Variants in CAMK1D observed in about 807,000 individuals in gnomAD.
CAMK1D encodes calcium/calmodulin-dependent protein kinase type 1D.
In CAMK1D, 9 loss-of-function variants were observed where a neutral mutation model predicts 47.7. That is an observed-to-expected ratio of 0.19 (90% confidence interval 0.11 to 0.33). CAMK1D has a LOEUF of 0.33. Ranked by LOEUF, CAMK1D falls within the 10% of genes least tolerant of loss-of-function variation. The pLI is 1.00. For synonymous variants in CAMK1D, 184 were observed against 184.9 expected, an observed-to-expected ratio of 0.99 and a Z score of 0.04; for missense variants, 291 against 488.7, an observed-to-expected ratio of 0.60 and a Z score of 3.81.
intron 1 of CAMK1D, among the ~76,000 whole-genome samples, chr10:12,533,391 G>C (rs1343675541): frequency 3.3e-5 from 5 of 152,066 alleles, no homozygotes; most frequent in African/African-American, 1.2e-4. Context: ...CCATCTCCTG[G>C]TTATCATTCC....
chr10:12,718,643 G>A lies in CAMK1D; in HGVS notation c.300-42305G>A, dbSNP rs951643529. Among the ~76,000 whole-genome samples the A allele has an allele frequency of 5.3e-5, 8 of 152,316 alleles. No individual in the cohort carries two copies. In the South Asian group the frequency reaches 1.2e-3, roughly 24 times the overall value. ...TGAAGTTACAGGTTTAGAGTTGTCC[G>A]TTGGAGGTTTTTGTTTCTTCGTTTA... On this transcript the variant is annotated intron_variant, in intron 3 of 10. Coordinates refer to ENST00000619168, the MANE Select transcript of CAMK1D (RefSeq NM_153498.4).
intron 1 of CAMK1D, among the ~76,000 whole-genome samples, chr10:12,460,261 CT>C (rs34911316): frequency 0.018 from 2,518 of 141,992 alleles, 38 homozygotes; most frequent in East Asian, 0.061. Flanking sequence ...TTTCTCTATT[CT>C]TTTTTTTTTT....
At chr10:12,784,555 G>T (rs745993175) in intron 5 of CAMK1D, among the ~76,000 whole-genome samples, 30 of 151,998 alleles carry the variant, frequency 2.0e-4, no homozygotes, top group Non-Finnish European at 3.5e-4. Context: ...CACACTGAGA[G>T]TTAGGGTGAA....
chr10:12,511,657 C>G (rs922704884), intron 1 of CAMK1D, among the ~76,000 whole-genome samples: 3 of 152,182 alleles, frequency 2.0e-5, no homozygotes, highest in African/African-American at 7.2e-5. Context: ...GGGTCCTCCT[C>G]CAATCCAGTT....
At chr10:12,687,005 T>G (rs182583028) in intron 3 of CAMK1D, among the ~76,000 whole-genome samples, 4 of 151,808 alleles carry the variant, frequency 2.6e-5, no homozygotes, top group African/African-American at 9.7e-5. Context: ...GTTATCAATA[T>G]GACAAAAAAA....
chr10:12,705,268 C>T (rs1173195566), intron 3 of CAMK1D, among the ~76,000 whole-genome samples: 1 of 152,102 alleles, frequency 6.6e-6, no homozygotes, highest in Admixed American at 6.5e-5. Flanking sequence ...TGAGACCATC[C>T]TGGCCAACAT....
intron 2 of CAMK1D, among the ~76,000 whole-genome samples, chr10:12,603,059 C>T (rs964385994): frequency 4.6e-5 from 7 of 151,988 alleles, no homozygotes; most frequent in South Asian, 4.2e-4. Flanking sequence ...TACAGGCACG[C>T]GTCACTGCAC....
chr10:12,705,849 C>T (rs146841206), intron 3 of CAMK1D, among the ~76,000 whole-genome samples: 52 of 152,358 alleles, frequency 3.4e-4, no homozygotes, highest in African/African-American at 1.2e-3. Context: ...TTTTATTAAA[C>T]AGCTACCTTA....
intron 2 of CAMK1D, among the ~76,000 whole-genome samples, chr10:12,604,783 T>G (rs772522265): frequency 6.6e-6 from 1 of 152,140 alleles, no homozygotes; most frequent in Non-Finnish European, 1.5e-5. Context: ...ACTACTTGGG[T>G]AGTATGAAGC....
At chr10:12,782,362 A>G (rs1837538384) in intron 5 of CAMK1D, among the ~76,000 whole-genome samples, 1 of 152,212 alleles carries the variant, frequency 6.6e-6, no homozygotes, top group South Asian at 2.1e-4. Flanking sequence ...CACATTCAGT[A>G]TCACCTCCTT....
intron 1 of CAMK1D, among the ~76,000 whole-genome samples, chr10:12,386,134 A>C (rs753704861): frequency 1.4e-4 from 21 of 152,204 alleles, no homozygotes; most frequent in Non-Finnish European, 2.9e-5. Flanking sequence ...AATATTTCCT[A>C]TGGCAACTGA....
chr10:12,784,871 A>G (rs1235822439), intron 5 of CAMK1D, among the ~76,000 whole-genome samples: 1 of 152,196 alleles, frequency 6.6e-6, no homozygotes, highest in East Asian at 1.9e-4. Context: ...CCAAGTGCTG[A>G]CCAATCAGGA....
intron 2 of CAMK1D, among the ~76,000 whole-genome samples, chr10:12,595,076 T>TCATG (rs1156668458): frequency 6.6e-6 from 1 of 151,990 alleles, no homozygotes; most frequent in East Asian, 1.9e-4. Flanking sequence ...GTGTGGTGCC[T>TCATG]CATGCCTGTA....
chr10:12,386,707 T>G (rs1838506463), intron 1 of CAMK1D, among the ~76,000 whole-genome samples: 3 of 152,198 alleles, frequency 2.0e-5, no homozygotes, highest in Non-Finnish European at 4.4e-5. Flanking sequence ...TGTGTGTACA[T>G]TCACGATATT....
chr10:12,735,258 C>G (rs1017670545), intron 3 of CAMK1D, among the ~76,000 whole-genome samples: 7 of 152,132 alleles, frequency 4.6e-5, no homozygotes, highest in African/African-American at 7.2e-5. Context: ...GGGCGGATCA[C>G]GAGGTCAGGA....
rs1395898670 is a variant in CAMK1D, at chr10:12,554,342, A to T, written c.224+986A>T. ...AGCTAATTTTTGTATTTTTGTAGAG[A>T]TGAGGTTTCTCCATGTTGGCCAGGC... is the stretch of plus-strand genomic sequence containing the variant. On this transcript the variant is annotated intron_variant, in intron 2 of 10. Coordinates refer to ENST00000619168, the MANE Select transcript of CAMK1D (RefSeq NM_153498.4). 5.4e-5 allele frequency among the ~76,000 whole-genome samples: 7 copies of T among 130,308 alleles called. 1 individual carries two copies. The highest frequency in any genetic ancestry group is 1.8e-4 in the African/African-American group (7 of 39,084). The allele number at this position is 130,308 out of a possible 152,430, so 85.5% of individuals were successfully genotyped here.
chr10:12,582,315 T>A (rs1424634990), intron 2 of CAMK1D, among the ~76,000 whole-genome samples: 6 of 152,224 alleles, frequency 3.9e-5, no homozygotes, highest in Non-Finnish European at 7.3e-5. Flanking sequence ...TGAAGTCAGA[T>A]AAAATGATGC....
intron 2 of CAMK1D, among the ~76,000 whole-genome samples, chr10:12,593,360 C>T (rs375443734): frequency 8.5e-5 from 13 of 152,124 alleles, no homozygotes; most frequent in African/African-American, 2.4e-4. Context: ...GAGGCCAAGG[C>T]GGGTGGATCA....
intron 3 of CAMK1D, among the ~76,000 whole-genome samples, chr10:12,697,750 C>T (rs553852034): frequency 2.0e-5 from 3 of 152,294 alleles, no homozygotes; most frequent in African/African-American, 4.8e-5. Context: ...ACCCTTGACA[C>T]GGGTACTTTT....
Sources: allele counts gnomAD v4.1 joint callset (sites outside exome capture counted in the v4.1 genomes callset), GRCh38; gene constraint gnomAD v4.1.1; transcripts MANE v1.5; gene names NCBI Gene and HGNC (gene_info 2026-07-23, HGNC 2026-07-21).